The following ANO4 variants were observed in gnomAD, a reference collection of about 807,000 sequenced individuals.
ANO4 encodes the protein anoctamin 4.
Under a neutral mutation model 141.9 loss-of-function variants are expected in ANO4, and 69 were observed. The observed-to-expected ratio is 0.49, with a 90% CI of 0.40 to 0.59. The LOEUF (loss-of-function observed/expected upper bound fraction) is 0.59, where lower values mean the gene tolerates loss of function less well. Ranked by LOEUF, ANO4 falls within the 20% of genes least tolerant of loss-of-function variation. ANO4 has a pLI of 0.00. For synonymous variants in ANO4, 350 were observed against 394.3 expected (o/e 0.89, Z 1.33); for missense variants, 894 against 1,162.2 (o/e 0.77, Z 3.36).
intron 15 of ANO4, 145 bp from the exon 16 acceptor site, chr12:101,083,533 G>T: frequency 1.1e-6 from 1 of 916,450 alleles, no homozygotes. Flanking sequence ...AAACATTTAA[G>T]CCTGGGCACC....
chr12:100,841,527 A>G (rs899498884), intron 1 of ANO4, among the ~76,000 whole-genome samples: 6 of 152,174 alleles, frequency 3.9e-5, no homozygotes, highest in African/African-American at 1.4e-4. Context: ...GAGATATAGA[A>G]TAATGAATAG....
intron 5 of ANO4, among the ~76,000 whole-genome samples, chr12:100,952,790 C>T (rs1046658546): frequency 1.3e-5 from 2 of 152,136 alleles, no homozygotes; most frequent in Non-Finnish European, 2.9e-5. Flanking sequence ...ATCTAAGGGC[C>T]TCATTATTGC....
At chr12:100,905,673 G>C (rs61190748) in intron 2 of ANO4, among the ~76,000 whole-genome samples, 2,305 of 152,160 alleles carry the variant, frequency 0.015, 149 homozygotes, top group Admixed American at 0.11. Context: ...GAGCAGTTTT[G>C]CTATGAAGTG....
chr12:100,875,210 G>A (rs1330843518), intron 1 of ANO4, among the ~76,000 whole-genome samples: 1 of 152,152 alleles, frequency 6.6e-6, no homozygotes, highest in Non-Finnish European at 1.5e-5. Flanking sequence ...GGGACCTGGT[G>A]GGAGGTGACT....
At chr12:100,900,971 C>G (rs2040567361) in intron 1 of ANO4, among the ~76,000 whole-genome samples, 1 of 152,150 alleles carries the variant, frequency 6.6e-6, no homozygotes, top group African/African-American at 2.4e-5. Context: ...TGATATGCAT[C>G]AGTAGATGGA....
At chr12:100,820,739 T>C (rs1323360049) in intron 1 of ANO4, among the ~76,000 whole-genome samples, 2 of 152,082 alleles carry the variant, frequency 1.3e-5, no homozygotes, top group East Asian at 3.9e-4. Flanking sequence ...AAGTGTCTCC[T>C]GAAGGCCTAT....
rs376031585 is a variant in ANO4 at position 100,880,411 on chromosome 12, A to G, written c.-140-21235A>G. ...TATTGTCTTTATCCTCATTTGACAG[A>G]TGAGGAGATTGAAGCGTAGAGGTGC... On this transcript the variant is annotated intron_variant, in intron 1 of 27. Transcript: ENST00000392977. Among the ~76,000 whole-genome samples the G allele has an allele frequency of 3.3e-5, 5 of 152,200 alleles. No homozygotes were observed. In the South Asian group the frequency reaches 6.2e-4, roughly 19 times the overall value.
Position 100,888,878 on chromosome 12 carries a change from TTTA to T in ANO4, c.-140-12751_-140-12749del, listed in dbSNP as rs375829250. 7.4e-4 allele frequency among the ~76,000 whole-genome samples: 112 copies of T among 150,996 alleles called. 1 individual carries two copies. In the East Asian group the frequency reaches 0.016, roughly 22 times the overall value. On this transcript the variant is annotated intron_variant, in intron 1 of 27. Coordinates refer to ENST00000392977, the MANE Select transcript of ANO4 (RefSeq NM_001286615.2). ...TTCTTTTTATAGGTAGTCTCTTATTTTTATTATTATTATTATTATACTTCAAGT... is the reference window on the plus strand; with the variant it reads ...TTCTTTTTATAGGTAGTCTCTTATTTTTATTATTATTATTATACTTCAAGT...
chr12:100,976,876 C>A (rs1374605100), intron 7 of ANO4, among the ~76,000 whole-genome samples: 1 of 152,156 alleles, frequency 6.6e-6, no homozygotes, highest in Admixed American at 6.5e-5. Context: ...TTTCAGTATT[C>A]TAGATTCTAA....
rs78985248 is a variant in ANO4, at chr12:101,021,391, G to T, written c.841+1251G>T. Among the ~76,000 whole-genome samples, 689 of 152,308 alleles carry T rather than the reference G, an allele frequency of 4.5e-3. 51 individuals carry two copies. In the East Asian group the frequency reaches 0.11, roughly 25 times the overall value. On this transcript the variant is annotated intron_variant, in intron 9 of 27. Transcript: ENST00000392977. ...TGCTGAGATATCATACTGGTATCAG[G>T]AAGAGAAACCCCTTCCTCCTCCAGT... is the stretch of plus-strand genomic sequence containing the variant.
rs780285238 is a variant in ANO4 at position 100,758,205 on chromosome 12, G to A, written c.358+18100G>A. Among the ~76,000 whole-genome samples, 6 of 152,166 alleles carry A rather than the reference G, an allele frequency of 3.9e-5. No homozygotes were observed. In the South Asian group the frequency reaches 6.2e-4, roughly 16 times the overall value. ...ATTTTGGCCCCAGAGTCACCTGCCC[G>A]CGGTCTTGGCTCATTCAGAATTAGA... On this transcript the variant is annotated intron_variant, in intron 3 of 29. Transcript: ENST00000644049.
chr12:100,956,683 T>A (rs2043186025), intron 5 of ANO4, among the ~76,000 whole-genome samples: 1 of 152,234 alleles, frequency 6.6e-6, no homozygotes, highest in Non-Finnish European at 1.5e-5. Context: ...TGAAATCTAG[T>A]CTTTTATCAG....
intron 1 of ANO4, among the ~76,000 whole-genome samples, chr12:100,886,297 T>A (rs1483763952): frequency 7.1e-6 from 1 of 140,464 alleles, no homozygotes; most frequent in Non-Finnish European, 1.5e-5. Context: ...GGAGACTACA[T>A]CCAGTGTAGC....
At chr12:101,066,902 A>G in intron 14 of ANO4, 1 of 875,954 alleles carries the variant, frequency 1.1e-6, no homozygotes, top group Non-Finnish European at 2.0e-6. Context: ...CACACTGCCC[A>G]CATTTCAGAA....
In ANO4 at chr12:101,072,808, A is replaced by G. The variant is rs537759174; in HGVS notation, c.1313-6385A>G. ...TAGACACTCTCAAAAGAAGACATTT[A>G]TGCAGCCAACAGACACATGAAGAAA... On this transcript the variant is annotated intron_variant, in intron 14 of 27. Transcript: ENST00000392977. Among the ~76,000 whole-genome samples, 46 of 152,336 alleles carry G rather than the reference A, an allele frequency of 3.0e-4. No individual in the cohort carries two copies. In the South Asian group the frequency reaches 9.5e-3, roughly 32 times the overall value.
chr12:100,790,516 AT>A (rs1188643027), upstream of ANO4, among the ~76,000 whole-genome samples: 1 of 152,176 alleles, frequency 6.6e-6, no homozygotes, highest in African/African-American at 2.4e-5. Context: ...CTCCAGTTAG[AT>A]TTTAAATGCA....
chr12:100,861,709 G>A lies in ANO4; in HGVS notation c.-140-39937G>A, dbSNP rs114737616. Among the ~76,000 whole-genome samples, 724 of 152,204 alleles carry A rather than the reference G, an allele frequency of 4.8e-3. 9 individuals carry two copies. Among genetic ancestry groups the A allele is most frequent in the African/African-American group, 0.017 (696 of 41,542 alleles). On this transcript the variant is annotated intron_variant, in intron 1 of 27. Transcript: ENST00000392977. ...TTAACCTTAGCTTACTCTTTTTGCT[G>A]TATAAACTTATTTAAAAAATGTTTT...
chr12:100,792,276 A>G (rs2034072730), upstream of ANO4, among the ~76,000 whole-genome samples: 1 of 152,148 alleles, frequency 6.6e-6, no homozygotes, highest in Non-Finnish European at 1.5e-5. Context: ...TTTCTTTTTA[A>G]ATAAGTGGCA....
At chr12:100,762,827 T>C (rs968958971) in intron 3 of ANO4, among the ~76,000 whole-genome samples, 6 of 152,182 alleles carry the variant, frequency 3.9e-5, no homozygotes, top group Non-Finnish European at 7.4e-5. Context: ...GCAGTTTCCA[T>C]GTGGGCAGGG....
Sources: gnomAD v4.1 joint callset for allele counts (sites outside exome capture counted in the v4.1 genomes callset) on GRCh38, gnomAD v4.1.1 for gene constraint, MANE v1.5 for transcripts, NCBI Gene and HGNC (gene_info 2026-07-23, HGNC 2026-07-21) for gene names.